PHF14: variants seen among roughly 807,000 people sequenced by gnomAD.
The protein encoded by PHF14 is PHD finger protein 14.
In PHF14, 55 loss-of-function variants were observed where a neutral mutation model predicts 117.9. That is an observed-to-expected ratio of 0.47 (90% confidence interval 0.38 to 0.58). The LOEUF is 0.58. PHF14 is among the 20% of genes least tolerant of loss of function. The pLI is 0.00. For missense variants in PHF14, 978 were observed against 1,122.2 expected (o/e 0.87, Z 1.84); for synonymous variants, 409 against 368.6 (o/e 1.11, Z -1.26).
chr7:11,164,200 A>G (rs1789132912), intron 17 of PHF14, among the ~76,000 whole-genome samples: 3 of 152,204 alleles, frequency 2.0e-5, no homozygotes. Context: ...TGAAGAACAT[A>G]TTTGGTAAAA....
chr7:11,036,956 A>C, intron 9 of PHF14, 29 bp from the exon 10 acceptor site: 1 of 1,412,108 alleles, frequency 7.1e-7, no homozygotes, highest in Non-Finnish European at 9.7e-7. Context: ...CTTCCTACTA[A>C]AGTAAAATTC....
intron 7 of PHF14, among the ~76,000 whole-genome samples, chr7:11,034,843 C>T (rs918371542): frequency 6.6e-6 from 1 of 152,000 alleles, no homozygotes; most frequent in African/African-American, 2.4e-5. Context: ...GCCACCACGC[C>T]TGGCCCTTAA....
chr7:11,004,092 A>G lies in PHF14; in HGVS notation c.1046-9655A>G, dbSNP rs1238048871. 3.3e-5 allele frequency among the ~76,000 whole-genome samples: 5 copies of G among 152,030 alleles called. No individual in the cohort carries two copies. The South Asian group carries it at 8.3e-4, about 25-fold the overall frequency. On this transcript the variant is annotated intron_variant, in intron 4 of 17. Coordinates refer to ENST00000634607, the MANE Select transcript of PHF14 (RefSeq NM_001007157.2). ...GTGAAACCCTGTCTCTACAAAATACAGAAAAATCAGCCAGGTGTGGTGGCT... is the reference window on the plus strand; with the variant it reads ...GTGAAACCCTGTCTCTACAAAATACGGAAAAATCAGCCAGGTGTGGTGGCT...
chr7:11,157,525 G>A (rs925563994), intron 17 of PHF14, among the ~76,000 whole-genome samples: 2 of 151,988 alleles, frequency 1.3e-5, no homozygotes, highest in Non-Finnish European at 2.9e-5. Context: ...CTATATAGTA[G>A]ACATTGTTTT....
intron 17 of PHF14, among the ~76,000 whole-genome samples, chr7:11,159,000 T>C (rs1252965651): frequency 6.6e-6 from 1 of 152,106 alleles, no homozygotes; most frequent in Non-Finnish European, 1.5e-5. Flanking sequence ...CTATTTACAG[T>C]TTATCTGGCC....
At chr7:11,163,816 A>G (rs1023779788) in intron 17 of PHF14, among the ~76,000 whole-genome samples, 11 of 152,158 alleles carry the variant, frequency 7.2e-5, no homozygotes, top group Non-Finnish European at 1.5e-4. Flanking sequence ...TTACATATCT[A>G]GCATATGTTT....
At chr7:11,019,426 T>C (rs530239124) in intron 5 of PHF14, among the ~76,000 whole-genome samples, 36 of 152,306 alleles carry the variant, frequency 2.4e-4, no homozygotes, top group East Asian at 7.7e-4. Flanking sequence ...TTACTTGTTA[T>C]TGGTCTGTAC....
chr7:11,107,756 G>C (rs1477952913), intron 16 of PHF14: 1 of 863,298 alleles, frequency 1.2e-6, no homozygotes, highest in Non-Finnish European at 1.4e-6. Flanking sequence ...CTATACTTTT[G>C]TGGGTCAATG....
chr7:11,134,875 GACC>G (rs959208755), intron 17 of PHF14, among the ~76,000 whole-genome samples: 15 of 152,144 alleles, frequency 9.9e-5, no homozygotes, highest in African/African-American at 3.6e-4. Flanking sequence ...GCAACATATA[GACC>G]ACCAAGTAAA....
Position 11,037,088 on chromosome 7 carries a change from T to A in PHF14, c.1977T>A (p.Asn659Lys). ...NEQEKLHVEYNKLCESLEELQ... is the reference protein window; with the variant it reads ...NEQEKLHVEYKKLCESLEELQ... Reference sequence around the variant, plus strand: ...AAGAAAAGCTTCATGTAGAATATAATAAGGTAAGTTAGCTACAAAATATGC... The same window carrying A: ...AAGAAAAGCTTCATGTAGAATATAAAAAGGTAAGTTAGCTACAAAATATGC... The change falls in exon 10 of 18, where the codon AAT becomes AAA. Residue 659 changes from asparagine to lysine, a missense_variant. Around this residue, in one of 7 missense-constraint regions of PHF14, gnomAD observed 237 missense variants for 276.4 expected, o/e 0.86. Coordinates refer to ENST00000634607, the MANE Select transcript of PHF14 (RefSeq NM_001007157.2). 1 of 1,483,478 alleles carries A rather than the reference T, an allele frequency of 6.7e-7. No homozygotes were observed. The highest frequency in any genetic ancestry group is 9.1e-7 in the Non-Finnish European group (1 of 1,096,056). 91.9% of individuals were successfully genotyped at this position (1,483,478 alleles called of 1,614,324 possible).
intron 17 of PHF14, among the ~76,000 whole-genome samples, chr7:11,129,079 C>A (rs1788017094): frequency 1.3e-5 from 2 of 152,044 alleles, no homozygotes; most frequent in African/African-American, 4.8e-5. Flanking sequence ...CTGGATGTTG[C>A]ATATTTTTTC....
At chr7:11,134,889 T>C (rs1236664853) in intron 17 of PHF14, among the ~76,000 whole-genome samples, 1 of 152,074 alleles carries the variant, frequency 6.6e-6, no homozygotes, top group African/African-American at 2.4e-5. Flanking sequence ...ACCAAGTAAA[T>C]TTTTATCAAA....
chr7:11,030,691 G>A (rs1326656990), intron 7 of PHF14, among the ~76,000 whole-genome samples: 1 of 152,158 alleles, frequency 6.6e-6, no homozygotes, highest in African/African-American at 2.4e-5. Context: ...TAGCCCTGAG[G>A]CATCTTCCTT....
At chr7:11,021,715 C>T (rs1783742728) in intron 5 of PHF14, among the ~76,000 whole-genome samples, 2 of 152,192 alleles carry the variant, frequency 1.3e-5, no homozygotes, top group South Asian at 2.1e-4. Flanking sequence ...TTATATTGAA[C>T]TCCATAGGAT....
rs116807609 is a variant in PHF14 at position 11,083,110 on chromosome 7, A to G, written c.2654+21025A>G. 9.5e-3 allele frequency among the ~76,000 whole-genome samples: 1,454 copies of G among 152,320 alleles called. 23 individuals carry two copies. Among genetic ancestry groups the G allele is most frequent in the African/African-American group, 0.033 (1,379 of 41,572 alleles). ...ATGTTCAGAGAATCGGGTCTAGCTT[A>G]GATTGTGCAGTCCAACCCCAGCCAA... is the stretch of plus-strand genomic sequence containing the variant. On this transcript the variant is annotated intron_variant, in intron 16 of 17. Coordinates refer to ENST00000634607, the MANE Select transcript of PHF14 (RefSeq NM_001007157.2).
chr7:11,061,868 CA>C (rs1459527943), intron 15 of PHF14, 27 bp downstream of exon 15: 16 of 1,520,428 alleles, frequency 1.1e-5, no homozygotes, highest in Admixed American at 2.2e-5. Flanking sequence ...CACTTTTACA[CA>C]GTCTTAACTT....
rs1224955489 is a variant in PHF14, at chr7:10,982,811, C to T, written c.552C>T (p.Asn184=). ...EEQVSEPKKW[N]LRRNRPLLDF... is the part of the protein sequence containing the mutation. Reference sequence around the variant, plus strand: ...AAGTCAGCGAGCCAAAAAAATGGAACCTTCGACGAAACCGACCACTTCTGG... The same window carrying T: ...AAGTCAGCGAGCCAAAAAAATGGAATCTTCGACGAAACCGACCACTTCTGG... Residue 184 remains asparagine (N), a synonymous_variant, in exon 3 of 18, where the codon AAC becomes AAT. Transcript: ENST00000634607. 1 of 1,613,882 alleles carries T rather than the reference C, an allele frequency of 6.2e-7. No individual in the cohort carries two copies. Among genetic ancestry groups the T allele is most frequent in the East Asian group, 2.2e-5 (1 of 44,876 alleles).
intron 16 of PHF14, among the ~76,000 whole-genome samples, chr7:11,064,662 T>C (rs1270466524): frequency 6.6e-6 from 1 of 152,074 alleles, no homozygotes; most frequent in Non-Finnish European, 1.5e-5. Flanking sequence ...TTTTTAGTTA[T>C]TTGTATGTGT....
chr7:11,062,786 G>A, intron 16 of PHF14: 2 of 985,164 alleles, frequency 2.0e-6, no homozygotes. Flanking sequence ...GTGAGATGGG[G>A]GAGTGAGTGT....
Sources: allele counts gnomAD v4.1 joint callset (sites outside exome capture counted in the v4.1 genomes callset), GRCh38; gene constraint gnomAD v4.1.1; regional missense constraint gnomAD v4.1.1; transcripts MANE v1.5; gene names NCBI Gene and HGNC (gene_info 2026-07-23, HGNC 2026-07-21).